IL1RAPL1: variants seen among roughly 807,000 people sequenced by gnomAD.
IL1RAPL1 encodes the protein interleukin-1 receptor accessory protein-like 1.
Under a neutral mutation model 48.4 loss-of-function variants are expected in IL1RAPL1, and 3 were observed. The observed-to-expected ratio is 0.06, with a 90% CI of 0.03 to 0.16. IL1RAPL1 has a LOEUF of 0.16. IL1RAPL1 is among the 10% of genes least tolerant of loss of function. The pLI is 1.00. For missense variants in IL1RAPL1, 349 were observed against 530.6 expected, an observed-to-expected ratio of 0.66 and a Z score of 3.36; for synonymous variants, 185 against 187.7, an observed-to-expected ratio of 0.99 and a Z score of 0.12.
intron 5 of IL1RAPL1, among the ~76,000 whole-genome samples, chrX:29,637,053 CA>C (rs761907735): frequency 0.029 from 1,557 of 54,264 alleles, 16 homozygotes; most frequent in Non-Finnish European, 0.041. Context: ...AACTCCGTCT[CA>C]AAAAAAAAAA....
intron 2 of IL1RAPL1, among the ~76,000 whole-genome samples, chrX:29,077,608 GAAAAAAAAAA>G (rs529366182): frequency 4.8e-5 from 2 of 41,435 alleles, no homozygotes; most frequent in African/African-American, 2.6e-4. Flanking sequence ...GTCTCAAAAA[GAAAAAAAAAA>G]AAAAGAAAAA....
At chrX:29,772,090 C>T (rs1031199348) in intron 6 of IL1RAPL1, among the ~76,000 whole-genome samples, 68 of 109,480 alleles carry the variant, frequency 6.2e-4, no homozygotes, top group African/African-American at 2.1e-3. Flanking sequence ...AGCTACGATT[C>T]GAGATTTGGG....
At chrX:28,908,871 C>G (rs867535614) in intron 2 of IL1RAPL1, among the ~76,000 whole-genome samples, 1 of 111,443 alleles carries the variant, frequency 9.0e-6, no homozygotes, top group Non-Finnish European at 1.9e-5. Context: ...TTGATACTCT[C>G]ATTAGGTGCT....
chrX:28,891,236 T>C (rs963756539), intron 2 of IL1RAPL1, among the ~76,000 whole-genome samples: 4 of 111,751 alleles, frequency 3.6e-5, no homozygotes, highest in Non-Finnish European at 7.5e-5. Context: ...CATGTGTCTA[T>C]TTACTCAACA....
chrX:29,201,937 C>G (rs1294039287), intron 2 of IL1RAPL1, among the ~76,000 whole-genome samples: 2 of 112,090 alleles, frequency 1.8e-5, no homozygotes, highest in Non-Finnish European at 3.8e-5. Context: ...TCAGGTGATC[C>G]ACCAGCCTCG....
chrX:28,778,334 T>C (rs1436082911), intron 1 of IL1RAPL1, among the ~76,000 whole-genome samples: 3 of 111,861 alleles, frequency 2.7e-5, no homozygotes, highest in Non-Finnish European at 5.6e-5. Flanking sequence ...TTTATCCAAC[T>C]ATTCGTTAAA....
intron 2 of IL1RAPL1, among the ~76,000 whole-genome samples, chrX:29,176,707 G>A (rs952339195): frequency 9.0e-6 from 1 of 110,794 alleles, no homozygotes; most frequent in African/African-American, 3.3e-5. Context: ...ATACAATTCT[G>A]TTTGTGGTGA....
intron 6 of IL1RAPL1, among the ~76,000 whole-genome samples, chrX:29,699,082 C>CT (rs892965375): frequency 8.9e-6 from 1 of 111,947 alleles, no homozygotes; most frequent in Non-Finnish European, 1.9e-5. Flanking sequence ...ATTAATTCAT[C>CT]TTTTTTAACA....
rs180899481 is a variant in IL1RAPL1, at chrX:29,547,035, T to C, written c.704-121395T>C. On this transcript the variant is annotated intron_variant, in intron 5 of 10. Transcript: ENST00000378993. ...ACATGTGGTCTGCTATATTTTTGGC[T>C]GACAGCTGGAACTAGTAGTGCCTGA... Among the ~76,000 whole-genome samples, 16 of 111,763 alleles carry C rather than the reference T, an allele frequency of 1.4e-4. No individual in the cohort carries two copies. The East Asian group carries it at 3.6e-3, about 25-fold the overall frequency.
intron 2 of IL1RAPL1, among the ~76,000 whole-genome samples, chrX:28,858,878 C>A (rs920635985): frequency 1.2e-4 from 14 of 112,471 alleles, no homozygotes; most frequent in African/African-American, 4.2e-4. Context: ...GCAGAAGATA[C>A]ATTTGTTTGT....
In IL1RAPL1 at chrX:28,851,427, G is replaced by C. The variant is rs180903099; in HGVS notation, c.82+62002G>C. On this transcript the variant is annotated intron_variant, in intron 2 of 10. Coordinates refer to ENST00000378993, the MANE Select transcript of IL1RAPL1 (RefSeq NM_014271.4). ...ATACAAATTATTTGGGAACTTTGGC[G>C]GTTAAGTATTACCTAAATCTTGGTG... Among the ~76,000 whole-genome samples the C allele has an allele frequency of 9.9e-5, 11 of 111,154 alleles. No individual in the cohort carries two copies. The Admixed American group carries it at 1.1e-3, about 11-fold the overall frequency.
intron 2 of IL1RAPL1, among the ~76,000 whole-genome samples, chrX:28,843,236 A>G (rs1022974935): frequency 9.1e-6 from 1 of 109,839 alleles, no homozygotes; most frequent in Non-Finnish European, 1.9e-5. Context: ...ATTTTCTTAT[A>G]TAATTAATGA....
intron 8 of IL1RAPL1, among the ~76,000 whole-genome samples, chrX:29,935,834 C>T (rs12559958): frequency 0.053 from 5,928 of 111,264 alleles, 155 homozygotes; most frequent in Admixed American, 0.095. Context: ...TAATTTGGTG[C>T]TTCGTCTAAA....
chrX:29,411,256 CATAA>C (rs1164525646), intron 5 of IL1RAPL1, among the ~76,000 whole-genome samples: 3 of 111,850 alleles, frequency 2.7e-5, no homozygotes, highest in Non-Finnish European at 3.8e-5. Context: ...TACTAGAATC[CATAA>C]ATACAGACTA....
intron 2 of IL1RAPL1, among the ~76,000 whole-genome samples, chrX:29,171,774 A>G (rs1432143533): frequency 8.9e-6 from 1 of 111,944 alleles, no homozygotes; most frequent in Non-Finnish European, 1.9e-5. Flanking sequence ...GCAAAACTAA[A>G]TATCATGTCT....
At chrX:29,912,719 A>G (rs1932766684) in intron 6 of IL1RAPL1, among the ~76,000 whole-genome samples, 1 of 112,379 alleles carries the variant, frequency 8.9e-6, no homozygotes, top group South Asian at 3.7e-4. Context: ...TAAAATCAAG[A>G]GACTATAAAA....
chrX:29,882,311 A>G (rs1225566161), intron 6 of IL1RAPL1, among the ~76,000 whole-genome samples: 2 of 111,761 alleles, frequency 1.8e-5, no homozygotes, highest in African/African-American at 6.5e-5. Flanking sequence ...TTTGTATAGT[A>G]GTTAATAGTA....
chrX:29,166,613 T>C (rs985885119), intron 2 of IL1RAPL1, among the ~76,000 whole-genome samples: 8 of 112,340 alleles, frequency 7.1e-5, no homozygotes, highest in Admixed American at 4.7e-4. Context: ...AAAATGCAAG[T>C]ATGATCAAGC....
At chrX:29,025,829 C>G (rs188170064) in intron 2 of IL1RAPL1, among the ~76,000 whole-genome samples, 1 of 111,254 alleles carries the variant, frequency 9.0e-6, no homozygotes, top group Non-Finnish European at 1.9e-5. Context: ...GGAATAATAG[C>G]GATGTGTTGT....
Sources: allele counts gnomAD v4.1 joint callset (sites outside exome capture counted in the v4.1 genomes callset), GRCh38; gene constraint gnomAD v4.1.1; transcripts MANE v1.5; gene names NCBI Gene and HGNC (gene_info 2026-07-23, HGNC 2026-07-21).